FSTL5: variants seen among roughly 807,000 people sequenced by gnomAD.
The protein encoded by FSTL5 is follistatin-related protein 5.
In FSTL5, 62 loss-of-function variants were observed where a neutral mutation model predicts 89.1. The ratio of observed to expected loss-of-function variants is 0.70; its 90% CI spans 0.57 to 0.86. The LOEUF is 0.86. FSTL5 is among the 40% of genes least tolerant of loss of function. The probability of loss-of-function intolerance (pLI) is 0.00; values close to 1 mark genes in which losing one functional copy is unlikely to be tolerated. For missense variants in FSTL5, 1,057 were observed against 1,001.6 expected (o/e 1.06, Z -0.75); for synonymous variants, 383 against 346.2 (o/e 1.11, Z -1.18).
intron 7 of FSTL5, among the ~76,000 whole-genome samples, chr4:161,607,209 T>C (rs996837460): frequency 6.6e-6 from 1 of 152,180 alleles, no homozygotes; most frequent in Non-Finnish European, 1.5e-5. Context: ...TGTTCTCCAT[T>C]ATTATGAAAA....
chr4:161,945,015 A>C (rs976428305), intron 3 of FSTL5, among the ~76,000 whole-genome samples: 2 of 152,106 alleles, frequency 1.3e-5, no homozygotes, highest in Non-Finnish European at 2.9e-5. Flanking sequence ...CAGAAAATAC[A>C]TGACAGCAGA....
At chr4:161,617,811 A>G (rs900328736) in intron 7 of FSTL5, among the ~76,000 whole-genome samples, 3 of 152,230 alleles carry the variant, frequency 2.0e-5, no homozygotes, top group Non-Finnish European at 4.4e-5. Context: ...AGATGAAGGT[A>G]GAATAAAGAC....
chr4:161,679,142 T>A (rs28429206), intron 6 of FSTL5, among the ~76,000 whole-genome samples: 1 of 151,554 alleles, frequency 6.6e-6, no homozygotes, highest in Non-Finnish European at 1.5e-5. Context: ...AAAGAGGAGA[T>A]CATGGATGAT....
intron 7 of FSTL5, among the ~76,000 whole-genome samples, chr4:161,641,504 G>GTTTTT (rs71598725): frequency 7.6e-6 from 1 of 132,334 alleles, no homozygotes; most frequent in Non-Finnish European, 1.6e-5. Flanking sequence ...TTTTTGTTTT[G>GTTTTT]TTTTGTTTTT....
chr4:162,039,589 A>G (rs1267804398), intron 2 of FSTL5, among the ~76,000 whole-genome samples: 1 of 151,958 alleles, frequency 6.6e-6, no homozygotes, highest in Non-Finnish European at 1.5e-5. Flanking sequence ...TCCAGGAGAA[A>G]AAAACGCACT....
intron 6 of FSTL5, among the ~76,000 whole-genome samples, chr4:161,698,896 G>A (rs1006873776): frequency 3.9e-5 from 6 of 152,148 alleles, no homozygotes; most frequent in African/African-American, 4.8e-5. Context: ...GTTGCAGTGA[G>A]CCGAGATCAT....
intron 4 of FSTL5, 141 bp from the exon 5 acceptor site, chr4:161,776,215 G>T: frequency 2.2e-6 from 1 of 464,594 alleles, no homozygotes; most frequent in South Asian, 6.3e-5. Context: ...TTTACAACTT[G>T]TACAAGAAAA....
chr4:161,805,720 A>G (rs1318072369), intron 4 of FSTL5, among the ~76,000 whole-genome samples: 1 of 152,120 alleles, frequency 6.6e-6, no homozygotes, highest in Non-Finnish European at 1.5e-5. Flanking sequence ...AATTATCACC[A>G]TAAAATATGG....
chr4:161,462,090 A>G (rs897301802), intron 13 of FSTL5, among the ~76,000 whole-genome samples: 1 of 152,202 alleles, frequency 6.6e-6, no homozygotes, highest in African/African-American at 2.4e-5. Flanking sequence ...GTATTATCTT[A>G]TAGAGACATA....
intron 2 of FSTL5, among the ~76,000 whole-genome samples, chr4:162,041,381 A>G (rs1578977471): frequency 6.6e-6 from 1 of 152,242 alleles, no homozygotes; most frequent in Middle Eastern, 3.4e-3. Context: ...GTTACTAAAT[A>G]AGGTTGGGCA....
Position 161,580,573 on chromosome 4 carries a change from G to A in FSTL5, c.1015+6882C>T, listed in dbSNP as rs1218190928. The stretch of plus-strand genomic sequence containing the variant: ...TTCATAACTATGGAAAAAAAGGAAT[G>A]GATTCTAGTGTGGACCCCTTGAACA... On this transcript the variant is annotated intron_variant, in intron 8 of 15. Transcript: ENST00000306100. Among the ~76,000 whole-genome samples, 4 of 152,080 alleles carry A rather than the reference G, an allele frequency of 2.6e-5. No homozygotes were observed. The South Asian group carries it at 6.2e-4, about 24-fold the overall frequency.
intron 8 of FSTL5, among the ~76,000 whole-genome samples, chr4:161,543,209 T>G (rs1444147667): frequency 6.6e-6 from 1 of 151,970 alleles, no homozygotes; most frequent in Non-Finnish European, 1.5e-5. Flanking sequence ...TATTTAGGAA[T>G]AAAGTTCACC....
chr4:161,976,025 G>C (rs181662802), intron 3 of FSTL5, among the ~76,000 whole-genome samples: 1 of 149,118 alleles, frequency 6.7e-6, no homozygotes, highest in Non-Finnish European at 1.5e-5. Context: ...GGCTGAGGCA[G>C]GAGAATCGCG....
intron 13 of FSTL5, among the ~76,000 whole-genome samples, chr4:161,479,533 T>C (rs1340896811): frequency 6.6e-6 from 1 of 152,142 alleles, no homozygotes; most frequent in African/African-American, 2.4e-5. Context: ...CCAAAATGAA[T>C]GCTTGTCATT....
chr4:161,750,951 T>C (rs956752533), intron 6 of FSTL5, among the ~76,000 whole-genome samples: 5 of 147,946 alleles, frequency 3.4e-5, no homozygotes, highest in Admixed American at 2.0e-4. Context: ...CTATTAATAT[T>C]TGTATGACAA....
intron 1 of FSTL5, among the ~76,000 whole-genome samples, chr4:162,128,018 CTAAAGT>C (rs1166883692): frequency 6.6e-6 from 1 of 152,094 alleles, no homozygotes; most frequent in East Asian, 1.9e-4. Flanking sequence ...AGTTAATATG[CTAAAGT>C]TAATTTGGTG....
At chr4:161,830,327 A>G (rs1267969888) in intron 4 of FSTL5, among the ~76,000 whole-genome samples, 1 of 151,996 alleles carries the variant, frequency 6.6e-6, no homozygotes, top group Non-Finnish European at 1.5e-5. Context: ...GTAATTTCCA[A>G]GTTCTTATGT....
At chr4:161,817,590 T>G (rs1391334805) in intron 4 of FSTL5, among the ~76,000 whole-genome samples, 1 of 152,240 alleles carries the variant, frequency 6.6e-6, no homozygotes, top group Non-Finnish European at 1.5e-5. Context: ...TCAGCAATTC[T>G]TAGCAGTTTT....
intron 8 of FSTL5, among the ~76,000 whole-genome samples, chr4:161,558,231 A>C (rs2126566865): frequency 6.6e-6 from 1 of 151,964 alleles, no homozygotes; most frequent in South Asian, 2.1e-4. Context: ...GGCTGTCAGC[A>C]GTTAATGAGT....
Sources: gnomAD v4.1 joint callset for allele counts (sites outside exome capture counted in the v4.1 genomes callset) on GRCh38, gnomAD v4.1.1 for gene constraint, MANE v1.5 for transcripts, NCBI Gene and HGNC (gene_info 2026-07-23, HGNC 2026-07-21) for gene names.